The following ERC1 variants were observed in gnomAD, a reference collection of about 807,000 sequenced individuals.
ERC1 encodes ELKS/RAB6-interacting/CAST family member 1.
A neutral mutation model predicts 132.0 loss-of-function variants in ERC1; 56 were observed. The ratio of observed to expected loss-of-function variants is 0.42; its 90% CI spans 0.34 to 0.53. The LOEUF (loss-of-function observed/expected upper bound fraction) is 0.53, where lower values mean the gene tolerates loss of function less well. Ranked by LOEUF, ERC1 falls within the 20% of genes least tolerant of loss-of-function variation. The pLI is 0.03. For missense variants in ERC1, 1,202 were observed against 1,349.9 expected (o/e 0.89, Z 1.72); for synonymous variants, 478 against 476.1 (o/e 1.00, Z -0.05).
In ERC1 at chr12:1,485,197, A is replaced by ATTTATCT. The variant is rs1228695719; in HGVS notation, c.3214-4893_3214-4892insATCTTTT. 1.6e-3 allele frequency among the ~76,000 whole-genome samples: 160 copies of ATTTATCT among 97,592 alleles called. 1 individual carries two copies. Among genetic ancestry groups the ATTTATCT allele is most frequent in the African/African-American group, 5.7e-3 (150 of 26,090 alleles). 64.0% of individuals were successfully genotyped at this position (97,592 alleles called of 152,430 possible). On this transcript the variant is annotated intron_variant, in intron 18 of 18. Coordinates refer to ENST00000360905, the MANE Select transcript of ERC1 (RefSeq NM_178040.4). ...AGTCCCCAAACCTGGTCAAGTTTATATTTCTTTTTTTTTTTTTTTTTTTTT... is the reference window on the plus strand; with the variant it reads ...AGTCCCCAAACCTGGTCAAGTTTATATTTATCTTTTCTTTTTTTTTTTTTTTTTTTTT...
rs186835997 is a variant in ERC1 at position 1,274,654 on chromosome 12, G to A, written c.2619+11489G>A. 5.7e-3 allele frequency among the ~76,000 whole-genome samples: 871 copies of A among 151,942 alleles called. 11 individuals are homozygous for A. The highest frequency in any genetic ancestry group is 0.019 in the African/African-American group (779 of 41,442). On this transcript the variant is annotated intron_variant, in intron 14 of 18. Coordinates refer to ENST00000360905, the MANE Select transcript of ERC1 (RefSeq NM_178040.4). The stretch of plus-strand genomic sequence containing the variant: ...ATTACAGGCATGCATCACCACACCC[G>A]GCTAATGTTTGTATTTTTAGTAGAG...
intron 14 of ERC1, among the ~76,000 whole-genome samples, chr12:1,264,005 C>A (rs1373840897): frequency 1.3e-5 from 2 of 151,824 alleles, no homozygotes; most frequent in Non-Finnish European, 2.9e-5. Context: ...AAAAAAGATA[C>A]AAACATTTCT....
intron 17 of ERC1, among the ~76,000 whole-genome samples, chr12:1,411,888 C>T (rs1056222042): frequency 1.3e-5 from 2 of 148,236 alleles, no homozygotes; most frequent in African/African-American, 2.5e-5. Context: ...GTAACTTCAC[C>T]AGGAGACTAG....
intron 12 of ERC1, chr12:1,203,912 T>C (rs915369098): frequency 2.6e-5 from 4 of 152,394 alleles, no homozygotes; most frequent in Non-Finnish European, 5.9e-5. Context: ...TTGAGGATTG[T>C]GGTAGATTTG....
At chr12:1,188,463 G>A (rs371790894) in intron 11 of ERC1, among the ~76,000 whole-genome samples, 13 of 152,140 alleles carry the variant, frequency 8.5e-5, no homozygotes, top group African/African-American at 2.4e-4. Flanking sequence ...GGGAAACCAC[G>A]TGAAACAACT....
At chr12:1,374,103 G>C (rs146144945) in intron 16 of ERC1, among the ~76,000 whole-genome samples, 1 of 152,206 alleles carries the variant, frequency 6.6e-6, no homozygotes. Flanking sequence ...GGACAAGGGA[G>C]AGGCCTTTTG....
chr12:1,094,512 G>T (rs1008534863), intron 3 of ERC1, among the ~76,000 whole-genome samples: 1 of 151,204 alleles, frequency 6.6e-6, no homozygotes, highest in Non-Finnish European at 1.5e-5. Context: ...CTGGGTTCAA[G>T]TGATTCTCCT....
intron 1 of ERC1, chr12:1,020,621 C>T (rs1407491496): frequency 6.6e-6 from 1 of 152,182 alleles, no homozygotes; most frequent in Admixed American, 6.5e-5. Context: ...GAAGCTATCT[C>T]ACGTGGCTGT....
intron 17 of ERC1, among the ~76,000 whole-genome samples, chr12:1,436,726 T>A (rs2092960229): frequency 6.6e-6 from 1 of 152,186 alleles, no homozygotes; most frequent in East Asian, 1.9e-4. Context: ...TTTCAATGTT[T>A]ATGTGTTCAC....
intron 13 of ERC1, among the ~76,000 whole-genome samples, chr12:1,249,352 G>A (rs1413914278): frequency 6.6e-6 from 1 of 152,108 alleles, no homozygotes; most frequent in Non-Finnish European, 1.5e-5. Flanking sequence ...TTTGGCTGTT[G>A]GTGAATTGGG....
At chr12:1,236,944 C>T in intron 13 of ERC1, 40 bp downstream of exon 13, 7 of 1,607,282 alleles carry the variant, frequency 4.4e-6, no homozygotes, top group Non-Finnish European at 5.1e-6. Flanking sequence ...CGGGTGAAGA[C>T]ATTTGATCCG....
At position 1,028,018 on chromosome 12, in the gene ERC1, G is replaced by A. The variant is rs1967190186; in HGVS notation, c.115G>A (p.Gly39Arg). The change falls in exon 2 of 19, where the codon GGA (glycine) becomes AGA (arginine). Residue 39 changes from glycine to arginine, a missense_variant. Gly to Arg is a moderately radical substitution (Grantham distance 125). Transcript: ENST00000360905. ...GGGTCACCGTCGAACCAACAGTACG[G>A]GAGGGAGTTCGGGAAGCAGTGTTGG... ...RLGHRRTNST[G>R]GSSGSSVGGG... 2 of 1,614,170 alleles carry A rather than the reference G, an allele frequency of 1.2e-6. No individual in the cohort carries two copies. The highest frequency in any genetic ancestry group is 1.7e-6 in the Non-Finnish European group (2 of 1,180,036).
chr12:1,431,076 C>T (rs1435966977), intron 17 of ERC1, among the ~76,000 whole-genome samples: 2 of 152,118 alleles, frequency 1.3e-5, no homozygotes, highest in East Asian at 1.9e-4. Context: ...AGGAACTACT[C>T]AGGGAAAAGC....
At chr12:1,411,257 A>G (rs149935857) in intron 17 of ERC1, among the ~76,000 whole-genome samples, 22 of 152,288 alleles carry the variant, frequency 1.4e-4, no homozygotes, top group Admixed American at 3.3e-4. Flanking sequence ...CTTTTCTTAG[A>G]AAAAGTAATA....
chr12:1,236,935 G>T, intron 13 of ERC1, 31 bp downstream of exon 13: 2 of 1,610,012 alleles, frequency 1.2e-6, no homozygotes, highest in East Asian at 2.2e-5. Flanking sequence ...TGAAAGGATC[G>T]GGTGAAGACA....
At chr12:1,226,673 G>A (rs916454206) in intron 12 of ERC1, among the ~76,000 whole-genome samples, 1 of 152,148 alleles carries the variant, frequency 6.6e-6, no homozygotes. Flanking sequence ...ACAAGTGGCA[G>A]TATTTCCCTT....
chr12:1,458,900 C>T (rs1312575160), intron 18 of ERC1, among the ~76,000 whole-genome samples: 1 of 152,182 alleles, frequency 6.6e-6, no homozygotes, highest in African/African-American at 2.4e-5. Flanking sequence ...GGTCTAGATG[C>T]CTTTTCCCAC....
chr12:1,092,214 G>A (rs1943330998), intron 3 of ERC1, among the ~76,000 whole-genome samples: 1 of 152,104 alleles, frequency 6.6e-6, no homozygotes, highest in African/African-American at 2.4e-5. Flanking sequence ...GGTCAGGCTG[G>A]TCTTGAACTC....
chr12:1,246,800 C>A (rs1324322592), intron 13 of ERC1, among the ~76,000 whole-genome samples: 1 of 152,048 alleles, frequency 6.6e-6, no homozygotes, highest in Non-Finnish European at 1.5e-5. Context: ...TGAGAAAATG[C>A]CAGACAAATG....
Sources: gnomAD v4.1 joint callset for allele counts (sites outside exome capture counted in the v4.1 genomes callset) on GRCh38, gnomAD v4.1.1 for gene constraint, MANE v1.5 for transcripts, NCBI Gene and HGNC (gene_info 2026-07-23, HGNC 2026-07-21) for gene names.